Variants in HYDIN observed in about 807,000 individuals in gnomAD.
HYDIN encodes HYDIN axonemal central pair apparatus protein, also known as axonemal central pair apparatus protein HYDIN.
HYDIN carries 132 observed loss-of-function variants against 403.9 expected under a neutral mutation model. That is an observed-to-expected ratio of 0.33 (90% CI 0.28 to 0.38). HYDIN has a LOEUF of 0.38. HYDIN is among the 10% of genes least tolerant of loss of function. The pLI is 1.00. For missense variants in HYDIN, 2,827 were observed against 5,009.5 expected (o/e 0.56, Z 13.15); for synonymous variants, 1,202 against 1,891.7 (o/e 0.64, Z 9.46).
intron 18 of HYDIN, among the ~76,000 whole-genome samples, chr16:71,048,269 T>C (rs1481841456): frequency 6.7e-6 from 1 of 148,462 alleles, no homozygotes; most frequent in Non-Finnish European, 1.5e-5. Flanking sequence ...TGGTTCCACA[T>C]CTTGGCTTTT....
chr16:71,182,340 CA>C (rs1054992698), intron 3 of HYDIN, among the ~76,000 whole-genome samples: 14 of 151,746 alleles, frequency 9.2e-5, no homozygotes, highest in South Asian at 4.2e-4. Flanking sequence ...ATAATGGGGG[CA>C]GGGGGAGAAC....
rs796422517 is a variant in HYDIN at position 71,061,896 on chromosome 16, C to CAG, written c.2376+271_2376+272dup. On this transcript the variant is annotated intron_variant, in intron 17 of 85. Coordinates refer to ENST00000393567, the MANE Select transcript of HYDIN (RefSeq NM_001270974.2). Reference sequence around the variant, plus strand: ...TGTGTGTGTGTGTGTGTGTGTGTGTCAGAGAGAGAGAGAGAGAGAGAAACT... The same window carrying CAG: ...TGTGTGTGTGTGTGTGTGTGTGTGTCAGAGAGAGAGAGAGAGAGAGAGAAACT... Among the ~76,000 whole-genome samples the CAG allele has an allele frequency of 1.8e-3, 167 of 94,350 alleles. 2 individuals carry two copies. The highest frequency in any genetic ancestry group is 5.5e-3 in the African/African-American group (122 of 22,094). The allele number at this position is 94,350 out of a possible 152,430, so 61.9% of individuals were successfully genotyped here. A position where few individuals can be genotyped will look rare whatever the true frequency, so the allele number is the denominator to read the frequency against.
chr16:71,047,329 A>G (rs978568439), intron 18 of HYDIN, among the ~76,000 whole-genome samples: 37 of 152,044 alleles, frequency 2.4e-4, no homozygotes, highest in Admixed American at 2.0e-3. Context: ...GTAACACTCT[A>G]TCAATAGCTT....
intron 71 of HYDIN, among the ~76,000 whole-genome samples, chr16:70,859,319 A>C (rs1441202370): frequency 6.6e-6 from 1 of 151,944 alleles, no homozygotes; most frequent in Non-Finnish European, 1.5e-5. Flanking sequence ...AAACAAAAAA[A>C]AGAAATTTGG....
chr16:71,011,458 G>C (rs947755501), intron 23 of HYDIN, among the ~76,000 whole-genome samples: 9 of 151,974 alleles, frequency 5.9e-5, no homozygotes, highest in African/African-American at 2.2e-4. Context: ...TGTAATCCTA[G>C]CACTTCGGGA....
intron 18 of HYDIN, among the ~76,000 whole-genome samples, chr16:71,045,447 T>A (rs8063423): frequency 2.0e-5 from 3 of 152,228 alleles, no homozygotes; most frequent in Non-Finnish European, 4.4e-5. Context: ...GTAAAAATTA[T>A]GAGGTTAATG....
At chr16:71,021,251 C>T (rs2080481116) in intron 21 of HYDIN, among the ~76,000 whole-genome samples, 1 of 149,728 alleles carries the variant, frequency 6.7e-6, no homozygotes, top group South Asian at 2.1e-4. Flanking sequence ...GAGTCTTGCT[C>T]TGTTGCCCAG....
At chr16:70,922,301 A>C (rs2077018061) in intron 45 of HYDIN, among the ~76,000 whole-genome samples, 1 of 152,248 alleles carries the variant, frequency 6.6e-6, no homozygotes, top group African/African-American at 2.4e-5. Flanking sequence ...TTTGCACGGA[A>C]GATGGGGCCC....
At chr16:71,052,373 A>G (rs1300683528) in intron 18 of HYDIN, among the ~76,000 whole-genome samples, 5 of 152,052 alleles carry the variant, frequency 3.3e-5, no homozygotes, top group African/African-American at 1.2e-4. Context: ...AGAGGAAGCA[A>G]TATCAATGCA....
chr16:70,933,127 T>C (rs1363012928), intron 45 of HYDIN, among the ~76,000 whole-genome samples: 1 of 151,828 alleles, frequency 6.6e-6, no homozygotes, highest in East Asian at 1.9e-4. Flanking sequence ...GGAATTACCA[T>C]GTAGCTACAC....
intron 9 of HYDIN, among the ~76,000 whole-genome samples, chr16:71,122,565 G>A (rs1428524357): frequency 1.2e-5 from 1 of 82,152 alleles, no homozygotes; most frequent in African/African-American, 5.0e-5. Context: ...GTAGTGAAAA[G>A]CTGGGTCTTT....
At chr16:70,834,800 A>G (rs1005674718) in intron 78 of HYDIN, among the ~76,000 whole-genome samples, 8 of 151,430 alleles carry the variant, frequency 5.3e-5, no homozygotes, top group African/African-American at 1.9e-4. Flanking sequence ...GTGAGCTGAG[A>G]TCACACCAGT....
chr16:70,897,332 A>C (rs1422076560), intron 53 of HYDIN, among the ~76,000 whole-genome samples: 1 of 152,166 alleles, frequency 6.6e-6, no homozygotes, highest in African/African-American at 2.4e-5. Flanking sequence ...CTCCAGTTGA[A>C]AGCCCAAGCC....
At chr16:71,104,024 C>T (rs1261786807) in intron 10 of HYDIN, among the ~76,000 whole-genome samples, 7 of 151,984 alleles carry the variant, frequency 4.6e-5, no homozygotes, top group Admixed American at 2.0e-4. Context: ...TTATATTTCT[C>T]AATGTTATTG....
At chr16:71,181,047 T>C (rs1337533505) in intron 3 of HYDIN, among the ~76,000 whole-genome samples, 1 of 151,926 alleles carries the variant, frequency 6.6e-6, no homozygotes, top group Non-Finnish European at 1.5e-5. Context: ...ACTAAAAACA[T>C]TATTGTTTTA....
chr16:71,201,281 C>T (rs1356413103), intron 1 of HYDIN, among the ~76,000 whole-genome samples: 1 of 152,144 alleles, frequency 6.6e-6, no homozygotes, highest in Non-Finnish European at 1.5e-5. Context: ...GGCATAGAGT[C>T]AATAAATATT....
chr16:71,004,944 T>G (rs943704223), intron 23 of HYDIN, among the ~76,000 whole-genome samples: 16 of 152,178 alleles, frequency 1.1e-4, no homozygotes, highest in African/African-American at 3.6e-4. Context: ...TTTTGGCAAG[T>G]TGTATTTTTC....
intron 23 of HYDIN, among the ~76,000 whole-genome samples, chr16:71,008,627 T>A (rs1200659348): frequency 6.7e-6 from 1 of 150,010 alleles, no homozygotes; most frequent in Non-Finnish European, 1.5e-5. Flanking sequence ...TGTGAACTGT[T>A]CACACTGTAC....
intron 1 of HYDIN, among the ~76,000 whole-genome samples, chr16:71,208,159 G>T (rs2077663): frequency 0.052 from 7,839 of 152,140 alleles, 270 homozygotes; most frequent in Non-Finnish European, 0.071. Context: ...AATTGACCAT[G>T]CAATCTGACA....
Sources: allele counts gnomAD v4.1 joint callset (sites outside exome capture counted in the v4.1 genomes callset), GRCh38; gene constraint gnomAD v4.1.1; transcripts MANE v1.5; gene names NCBI Gene and HGNC (gene_info 2026-07-23, HGNC 2026-07-21).